INTS2: variants seen among roughly 807,000 people sequenced by gnomAD.
INTS2 encodes KIAA1287.
In INTS2, 57 loss-of-function variants were observed where a neutral mutation model predicts 139.6. The observed-to-expected ratio is 0.41, with a 90% CI of 0.33 to 0.51. The LOEUF is 0.51. INTS2 is among the 20% of genes least tolerant of loss of function. The pLI is 0.28. For synonymous variants in INTS2, 473 were observed against 493.4 expected (o/e 0.96, Z 0.55); for missense variants, 1,196 against 1,436.7 (o/e 0.83, Z 2.71).
At chr17:61,918,423 G>A (rs532645395) in intron 5 of INTS2, among the ~76,000 whole-genome samples, 3 of 152,218 alleles carry the variant, frequency 2.0e-5, no homozygotes, top group Admixed American at 6.5e-5. Context: ...TGTATTTTTA[G>A]TAGAGACGGG....
At chr17:61,878,549 G>A (rs2145908937) in intron 17 of INTS2, among the ~76,000 whole-genome samples, 1 of 152,108 alleles carries the variant, frequency 6.6e-6, no homozygotes, top group East Asian at 1.9e-4. Flanking sequence ...GGGTGACACA[G>A]CAAGACTCCA....
intron 4 of INTS2, among the ~76,000 whole-genome samples, chr17:61,920,876 C>T (rs1333413091): frequency 4.6e-5 from 7 of 152,098 alleles, no homozygotes; most frequent in Non-Finnish European, 8.8e-5. Context: ...CCTCAATCTC[C>T]CAGGCTCAAG....
Position 61,907,516 on chromosome 17 carries a change from T to A in INTS2, c.1073A>T (p.Asp358Val). The change falls in exon 8 of 25, where the codon GAT (aspartate) becomes GTT (valine). Residue 358 changes from aspartate to valine, a missense_variant. By Grantham distance (152) the Asp-to-Val change is radical. Transcript: ENST00000251334. ...STRIVEEADV[D>V]MEPNVSVYSG... ...ATACACAGACACATTGGGCTCCATATCCACATCAGCTTCTTCCACAATTCG... is the reference window on the plus strand; with the variant it reads ...ATACACAGACACATTGGGCTCCATAACCACATCAGCTTCTTCCACAATTCG... The A allele has an allele frequency of 1.2e-6, 2 of 1,600,406 alleles. No homozygotes were observed. The highest frequency in any genetic ancestry group is 8.5e-7 in the Non-Finnish European group (1 of 1,173,550).
chr17:61,898,140 G>A (rs1444883397), intron 9 of INTS2, among the ~76,000 whole-genome samples: 2 of 152,058 alleles, frequency 1.3e-5, no homozygotes, highest in East Asian at 3.9e-4. Flanking sequence ...CACAAACTGA[G>A]TGCCAAACAG....
chr17:61,922,511 C>CATACATAT (rs1555626751), intron 3 of INTS2, among the ~76,000 whole-genome samples: 1 of 73,198 alleles, frequency 1.4e-5, no homozygotes, highest in African/African-American at 4.5e-5. Flanking sequence ...AACAAACAAA[C>CATACATAT]ATATATATAT....
chr17:61,889,697 G>A, intron 15 of INTS2, 89 bp downstream of exon 15: 2 of 629,794 alleles, frequency 3.2e-6, no homozygotes, highest in Non-Finnish European at 5.7e-6. Context: ...TTAAAATATT[G>A]CCCTTATCAA....
chr17:61,878,931 C>CAAAAA lies in INTS2; in HGVS notation c.2255-848_2255-844dup, dbSNP rs35652350. 4.7e-3 allele frequency among the ~76,000 whole-genome samples: 217 copies of CAAAAA among 46,512 alleles called. 4 individuals are homozygous for CAAAAA. Among genetic ancestry groups the CAAAAA allele is most frequent in the African/African-American group, 7.8e-3 (75 of 9,556 alleles). The allele number at this position is 46,512 out of a possible 152,430, so 30.5% of individuals were successfully genotyped here. ...GAGACTGGGCAACAGACCCTGTCTC[C>CAAAAA]AAAAAAAAAAAAAAAAAAAAAAACA... On this transcript the variant is annotated intron_variant, in intron 17 of 24. Coordinates refer to ENST00000251334, the MANE Select transcript of INTS2 (RefSeq NM_001351695.2).
In INTS2 at chr17:61,872,290, A is replaced by C; in HGVS notation, c.2753T>G (p.Leu918Trp). The change falls in exon 20 of 25, where the codon TTG becomes TGG. Residue 918 changes from leucine to tryptophan, a missense_variant. Leu to Trp is a moderately conservative substitution (Grantham distance 61, BLOSUM62 -2). Transcript: ENST00000251334. The surrounding 1 kb of genome is among the most constrained non-coding windows in gnomAD (Gnocchi z 4.8). ...TDAPEVTREE[L>W]KNALLAAQDS... ...CTGAGCGGCCAGTAATGCATTTTTC[A>C]ATTCTTCCCTGGTAACTTCCGGAGC... 6.2e-7 allele frequency: 1 copy of C among 1,610,662 alleles called. No individual in the cohort carries two copies. Among genetic ancestry groups the C allele is most frequent in the Non-Finnish European group, 8.5e-7 (1 of 1,178,344 alleles).
intron 5 of INTS2, among the ~76,000 whole-genome samples, chr17:61,915,089 A>C (rs2079566310): frequency 6.6e-6 from 1 of 151,964 alleles, no homozygotes; most frequent in African/African-American, 2.4e-5. Context: ...CTATAATCCC[A>C]GCACTTTGGG....
At chr17:61,913,824 T>C (rs1302365121) in intron 5 of INTS2, among the ~76,000 whole-genome samples, 3 of 152,132 alleles carry the variant, frequency 2.0e-5, no homozygotes, top group Non-Finnish European at 2.9e-5. Flanking sequence ...CCAAAAATGG[T>C]AAATGTGTGG....
Position 61,921,729 on chromosome 17 carries a change from T to C in INTS2, c.531A>G (p.Gln177=), listed in dbSNP as rs1380548550. The C allele has an allele frequency of 1.9e-6, 3 of 1,559,622 alleles. No homozygotes were observed. The highest frequency in any genetic ancestry group is 2.2e-5 in the East Asian group (1 of 44,496). Residue 177 remains glutamine (Q), a synonymous_variant, in exon 4 of 25, where the codon CAA becomes CAG. Coordinates refer to ENST00000251334, the MANE Select transcript of INTS2 (RefSeq NM_001351695.2). ...TCTTAGCACTCAGTACAGTACCTGC[T>C]TGTAAAATACAAAGTACATCTGCAG... ...EEAADVLCIL[Q]AELPSLLPIV...
chr17:61,921,434 G>A (rs2079639950), intron 4 of INTS2: 2 of 193,532 alleles, frequency 1.0e-5, no homozygotes, highest in East Asian at 2.4e-4. Context: ...TTAACACTTT[G>A]CCCTTTGCTT....
chr17:61,878,140 C>T, intron 17 of INTS2, 52 bp from the exon 18 acceptor site: 1 of 1,126,258 alleles, frequency 8.9e-7, no homozygotes, highest in Non-Finnish European at 1.4e-6. Flanking sequence ...GTTTATCAAG[C>T]AGGAAGTAGT....
chr17:61,900,152 A>C (rs2079390281), intron 9 of INTS2, among the ~76,000 whole-genome samples: 1 of 152,228 alleles, frequency 6.6e-6, no homozygotes, highest in Non-Finnish European at 1.5e-5. Flanking sequence ...CGGACTCAGC[A>C]GACCTGAGGA....
chr17:61,896,809 G>C (rs1489749597), intron 11 of INTS2, among the ~76,000 whole-genome samples: 8 of 152,092 alleles, frequency 5.3e-5, no homozygotes, highest in African/African-American at 1.9e-4. Context: ...CTTACTAACG[G>C]TAAGAGTTAA....
Position 61,890,441 on chromosome 17 carries a change from C to A in INTS2, c.1876-547G>T, listed in dbSNP as rs188704122. On this transcript the variant is annotated intron_variant, in intron 14 of 24. Coordinates refer to ENST00000251334, the MANE Select transcript of INTS2 (RefSeq NM_001351695.2). ...GCTGGCCAACATAGTAAAACCCTGTCTCTACTAAAAATATAAAAATTAGCC... is the reference window on the plus strand; with the variant it reads ...GCTGGCCAACATAGTAAAACCCTGTATCTACTAAAAATATAAAAATTAGCC... Among the ~76,000 whole-genome samples, 751 of 151,306 alleles carry A rather than the reference C, an allele frequency of 5.0e-3. 6 individuals are homozygous for A. Among genetic ancestry groups the A allele is most frequent in the Non-Finnish European group, 6.3e-3 (428 of 67,832 alleles).
chr17:61,879,138 T>C (rs1028044334), intron 17 of INTS2, among the ~76,000 whole-genome samples: 3 of 149,116 alleles, frequency 2.0e-5, no homozygotes, highest in Non-Finnish European at 4.4e-5. Context: ...CAGGATGGTT[T>C]TGAATTCCCG....
rs1389635461 is a variant in INTS2, at chr17:61,875,999, T to G, written c.2457-961A>C. Among the ~76,000 whole-genome samples, 1 of 151,548 alleles carries G rather than the reference T, an allele frequency of 6.6e-6. No homozygotes were observed. The highest frequency in any genetic ancestry group is 1.9e-4 in the East Asian group (1 of 5,150). ...GCCTGGGCAGCATAGTGAGACACCA[T>G]CTCTACAAAAACTAAAAAAAATTAG... On this transcript the variant is annotated intron_variant, in intron 18 of 24. Coordinates refer to ENST00000251334, the MANE Select transcript of INTS2 (RefSeq NM_001351695.2). The surrounding 1 kb of genome is among the most constrained non-coding windows in gnomAD (Gnocchi z 4.6).
Position 61,871,963 on chromosome 17 carries a change from C to T in INTS2, c.2778+302G>A, listed in dbSNP as rs1309901370. ...AACAAAAAAAACAAAAAAAATGTGC[C>T]GAATGAATAAACATGTAACTCTAAA... is the stretch of plus-strand genomic sequence containing the variant. On this transcript the variant is annotated intron_variant, in intron 20 of 24. Coordinates refer to ENST00000251334, the MANE Select transcript of INTS2 (RefSeq NM_001351695.2). This position sits in a 1 kb window ranked among gnomAD's most constrained non-coding sequence, Gnocchi z 4.9. 4.7e-6 allele frequency: 1 copy of T among 211,472 alleles called. No homozygotes were observed. Among genetic ancestry groups the T allele is most frequent in the Non-Finnish European group, 9.3e-6 (1 of 108,084 alleles). 13.1% of individuals were successfully genotyped at this position (211,472 alleles called of 1,614,324 possible).
Sources: allele counts gnomAD v4.1 joint callset (sites outside exome capture counted in the v4.1 genomes callset), GRCh38; gene constraint gnomAD v4.1.1; non-coding constraint Gnocchi (gnomAD v3.1); transcripts MANE v1.5; gene names NCBI Gene and HGNC (gene_info 2026-07-23, HGNC 2026-07-21).